Variants in MTMR2 observed in about 807,000 individuals in gnomAD.
MTMR2 encodes the protein myotubularin related protein 2.
A neutral mutation model predicts 86.9 loss-of-function variants in MTMR2; 55 were observed. The ratio of observed to expected loss-of-function variants is 0.63; its 90% CI spans 0.51 to 0.79. The LOEUF (loss-of-function observed/expected upper bound fraction) is 0.79. Among genes scored for constraint, MTMR2 ranks in the 30% least tolerant of loss-of-function variants. The pLI, the probability that MTMR2 is intolerant of heterozygous loss-of-function variation, is 0.00. For synonymous variants in MTMR2, 241 were observed against 266.8 expected, an observed-to-expected ratio of 0.90 and a Z score of 0.94; for missense variants, 659 against 772.3, an observed-to-expected ratio of 0.85 and a Z score of 1.74.
intron 1 of MTMR2, among the ~76,000 whole-genome samples, chr11:95,913,520 C>T (rs1488581391): frequency 6.6e-6 from 1 of 152,116 alleles, no homozygotes; most frequent in African/African-American, 2.4e-5. Context: ...AGAATGTCCA[C>T]GCTGAAACCT....
rs796843596 is a variant in MTMR2, at chr11:95,851,085, CAG to C, written c.655-338_655-337del. Among the ~76,000 whole-genome samples the C allele has an allele frequency of 9.1e-3, 949 of 103,854 alleles. 13 individuals are homozygous for C. The highest frequency in any genetic ancestry group is 0.035 in the African/African-American group (897 of 25,908). 68.1% of individuals were successfully genotyped at this position (103,854 alleles called of 152,430 possible). ...TTTTTTTTTTTTTTTTTTTTTGAGA[CAG>C]AGTCTCACTCTGTCGCCCAGGCTGG... is the stretch of plus-strand genomic sequence containing the variant. On this transcript the variant is annotated intron_variant, in intron 7 of 14. Coordinates refer to ENST00000346299, the MANE Select transcript of MTMR2 (RefSeq NM_016156.6).
intron 7 of MTMR2, among the ~76,000 whole-genome samples, chr11:95,852,247 G>A (rs1864049115): frequency 6.6e-6 from 1 of 152,184 alleles, no homozygotes; most frequent in Non-Finnish European, 1.5e-5. Flanking sequence ...GGCACAGTTT[G>A]TAATTTGGCC....
Position 95,853,044 on chromosome 11 carries a change from AAT to A in MTMR2, c.655-2297_655-2296del, listed in dbSNP as rs72159501. 7.0e-3 allele frequency among the ~76,000 whole-genome samples: 1,011 copies of A among 145,258 alleles called. 3 individuals carry two copies. Among genetic ancestry groups the A allele is most frequent in the Non-Finnish European group, 9.4e-3 (629 of 66,654 alleles). On this transcript the variant is annotated intron_variant, in intron 7 of 14. Coordinates refer to ENST00000346299, the MANE Select transcript of MTMR2 (RefSeq NM_016156.6). ...GGCGAGATTCTAAAAATTTATATAT[AAT>A]ATATATATATATACACAGTTCACTG...
intron 2 of MTMR2, among the ~76,000 whole-genome samples, chr11:95,867,521 T>C (rs142225536): frequency 1.2e-4 from 19 of 152,314 alleles, no homozygotes; most frequent in African/African-American, 4.6e-4. Context: ...CTTTCTTATA[T>C]TCTCTCTGAC....
At chr11:95,921,588 T>C (rs1457949057) in intron 1 of MTMR2, among the ~76,000 whole-genome samples, 3 of 152,204 alleles carry the variant, frequency 2.0e-5, no homozygotes, top group East Asian at 1.9e-4. Flanking sequence ...CTAGTGTCTA[T>C]AATGTATCTA....
At chr11:95,880,708 T>C (rs1325096781) in intron 2 of MTMR2, among the ~76,000 whole-genome samples, 1 of 152,058 alleles carries the variant, frequency 6.6e-6, no homozygotes, top group Admixed American at 6.5e-5. Context: ...TTAAAATATA[T>C]TGGTTAAACA....
At chr11:95,922,077 T>C (rs1866949135) in intron 1 of MTMR2, among the ~76,000 whole-genome samples, 1 of 152,234 alleles carries the variant, frequency 6.6e-6, no homozygotes, top group Non-Finnish European at 1.5e-5. Flanking sequence ...TTCATCTTAG[T>C]ATTGTCATTA....
At position 95,833,898 on chromosome 11, in the gene MTMR2, G is replaced by A. The variant is rs1006077349; in HGVS notation, c.*1392C>T. 1.3e-5 allele frequency: 2 copies of A among 151,784 alleles called. No individual in the cohort carries two copies. The highest frequency in any genetic ancestry group is 2.9e-5 in the Non-Finnish European group (2 of 67,858). 9.4% of individuals were successfully genotyped at this position (151,784 alleles called of 1,614,324 possible). A position where few individuals can be genotyped will look rare whatever the true frequency, so the allele number is the denominator to read the frequency against. On this transcript the variant is annotated 3_prime_UTR_variant, in exon 15 of 15. Coordinates refer to ENST00000346299, the MANE Select transcript of MTMR2 (RefSeq NM_016156.6). ...TCCTCACTGCAAGACCAAGAGGGAGGCTAAGGTTCAGACTCTCTGTATAGT... is the reference window on the plus strand; with the variant it reads ...TCCTCACTGCAAGACCAAGAGGGAGACTAAGGTTCAGACTCTCTGTATAGT...
At chr11:95,855,537 C>G (rs1438831779) in intron 7 of MTMR2, among the ~76,000 whole-genome samples, 3 of 152,210 alleles carry the variant, frequency 2.0e-5, no homozygotes, top group Admixed American at 2.0e-4. Context: ...CAGGTGTGAG[C>G]CACTGCGCCC....
chr11:95,866,774 A>T (rs1864633646), intron 2 of MTMR2, among the ~76,000 whole-genome samples: 1 of 150,156 alleles, frequency 6.7e-6, no homozygotes. Flanking sequence ...GCCTATGAAG[A>T]TGGGGTTAAA....
intron 6 of MTMR2, 37 bp from the exon 7 acceptor site, chr11:95,857,672 A>T: frequency 7.4e-7 from 1 of 1,349,678 alleles, no homozygotes; most frequent in South Asian, 1.2e-5. Flanking sequence ...GCTAAAAAAG[A>T]TATTCACAAA....
At chr11:95,864,967 G>C (rs1591000168) in intron 3 of MTMR2, among the ~76,000 whole-genome samples, 1 of 152,006 alleles carries the variant, frequency 6.6e-6, no homozygotes, top group East Asian at 1.9e-4. Context: ...CAGAGTTTAT[G>C]AGTAGATATC....
Position 95,913,693 on chromosome 11 carries a change from A to C in MTMR2, c.80+10182T>G, listed in dbSNP as rs112088276. ...AGCTTTTAGGAATTCAGAATCTAGC[A>C]CAGTGTGTAAGGCACAGTAGATGTT... On this transcript the variant is annotated intron_variant, in intron 1 of 14. Coordinates refer to ENST00000346299, the MANE Select transcript of MTMR2 (RefSeq NM_016156.6). 1.9e-3 allele frequency among the ~76,000 whole-genome samples: 286 copies of C among 152,216 alleles called. 1 individual carries two copies. The highest frequency in any genetic ancestry group is 6.4e-3 in the African/African-American group (264 of 41,546).
At chr11:95,838,332 C>A in intron 12 of MTMR2, 125 bp from the exon 13 acceptor site, 1 of 683,404 alleles carries the variant, frequency 1.5e-6, no homozygotes. Context: ...TACATTATTC[C>A]AAGCCATTAT....
rs779040028 is a variant in MTMR2 at position 95,893,514 on chromosome 11, T to G, written c.81-5253A>C. ...CTTCGCTTCCCTTCCTAACCATCAGTGTCCTTATATCCGTATCCATTAGCC... is the reference window on the plus strand; with the variant it reads ...CTTCGCTTCCCTTCCTAACCATCAGGGTCCTTATATCCGTATCCATTAGCC... On this transcript the variant is annotated intron_variant, in intron 1 of 14. Transcript: ENST00000346299. Among the ~76,000 whole-genome samples, 5 of 152,110 alleles carry G rather than the reference T, an allele frequency of 3.3e-5. No individual in the cohort carries two copies. In the South Asian group the frequency reaches 1.0e-3, roughly 32 times the overall value.
intron 2 of MTMR2, among the ~76,000 whole-genome samples, chr11:95,876,992 T>C (rs965571544): frequency 6.6e-6 from 1 of 152,232 alleles, no homozygotes; most frequent in Non-Finnish European, 1.5e-5. Flanking sequence ...GTCTGAAATC[T>C]GCAAAACACT....
intron 1 of MTMR2, among the ~76,000 whole-genome samples, chr11:95,910,176 A>T (rs1866446119): frequency 6.6e-6 from 1 of 151,812 alleles, no homozygotes; most frequent in South Asian, 2.1e-4. Flanking sequence ...ATAGTCAATC[A>T]GAAGACAGAC....
rs1864457241 is a variant in MTMR2, at chr11:95,862,353, A to G, written c.276T>C (p.Thr92=). 1.9e-6 allele frequency: 3 copies of G among 1,613,886 alleles called. No homozygotes were observed. In the South Asian group the frequency reaches 3.3e-5, roughly 18 times the overall value. Residue 92 remains threonine, a synonymous_variant, in exon 4 of 15, where the codon ACT becomes ACC. Transcript: ENST00000346299. ...CAGCGCCAGTGAATGGACATATATA[A>G]GTTACATCTTTGGCTGAAAAAGCAA... is the stretch of plus-strand genomic sequence containing the variant. ...ENIKDMAKDV[T]YICPFTGAVR...
intron 7 of MTMR2, among the ~76,000 whole-genome samples, chr11:95,853,910 CA>C (rs1262398764): frequency 6.6e-6 from 1 of 152,070 alleles, no homozygotes; most frequent in Non-Finnish European, 1.5e-5. Flanking sequence ...GAGAAGTATA[CA>C]TCAGAGGGCC....
Sources: allele counts gnomAD v4.1 joint callset (sites outside exome capture counted in the v4.1 genomes callset), GRCh38; gene constraint gnomAD v4.1.1; transcripts MANE v1.5; gene names NCBI Gene and HGNC (gene_info 2026-07-23, HGNC 2026-07-21).